Variants in ICA1L observed in about 807,000 individuals in gnomAD.
The protein encoded by ICA1L is islet cell autoantigen 1 like.
Under a neutral mutation model 61.3 loss-of-function variants are expected in ICA1L, and 50 were observed. The observed-to-expected ratio is 0.82, with a 90% CI of 0.65 to 1.03. The LOEUF (loss-of-function observed/expected upper bound fraction) is 1.03, where lower values mean the gene tolerates loss of function less well. ICA1L is among the 50% of genes least tolerant of loss of function. The pLI is 0.00. For synonymous variants in ICA1L, 161 were observed against 191.3 expected (o/e 0.84, Z 1.31); for missense variants, 508 against 556.7 (o/e 0.91, Z 0.88).
chr2:202,790,869 TCC>T (rs1692726752), intron 10 of ICA1L, among the ~76,000 whole-genome samples: 1 of 152,146 alleles, frequency 6.6e-6, no homozygotes, highest in Admixed American at 6.5e-5. Flanking sequence ...TTGTCCCCAC[TCC>T]CAGCTCAAGC....
chr2:202,858,285 C>T (rs1285864399), intron 1 of ICA1L, among the ~76,000 whole-genome samples: 3 of 152,188 alleles, frequency 2.0e-5, no homozygotes, highest in Non-Finnish European at 4.4e-5. Flanking sequence ...GAATACTATG[C>T]AGCCATTAAA....
chr2:202,813,325 T>G (rs1693433649), intron 8 of ICA1L, among the ~76,000 whole-genome samples: 1 of 152,138 alleles, frequency 6.6e-6, no homozygotes, highest in South Asian at 2.1e-4. Flanking sequence ...TTTATCAATG[T>G]TTATCTTAAA....
chr2:202,860,138 G>A (rs1694872187), intron 1 of ICA1L: 1 of 151,804 alleles, frequency 6.6e-6, no homozygotes, highest in South Asian at 2.1e-4. Flanking sequence ...TGTGTGTGGT[G>A]GCACATACCT....
intron 1 of ICA1L, among the ~76,000 whole-genome samples, chr2:202,839,542 C>G (rs1400337447): frequency 1.5e-5 from 2 of 137,146 alleles, no homozygotes; most frequent in Non-Finnish European, 3.1e-5. Context: ...CTCTTCCAGG[C>G]AGCATACAGT....
intron 1 of ICA1L, among the ~76,000 whole-genome samples, chr2:202,830,352 G>A (rs1208313885): frequency 6.6e-6 from 1 of 152,164 alleles, no homozygotes. Flanking sequence ...AGGTTGCAGT[G>A]AGCCAAGATC....
intron 10 of ICA1L, among the ~76,000 whole-genome samples, chr2:202,792,772 C>G (rs1692792897): frequency 6.6e-6 from 1 of 151,994 alleles, no homozygotes; most frequent in Non-Finnish European, 1.5e-5. Flanking sequence ...CCACTGCACT[C>G]CAGCCTGGGC....
intron 1 of ICA1L, among the ~76,000 whole-genome samples, chr2:202,868,109 CAATA>C (rs1240614936): frequency 6.6e-6 from 1 of 151,392 alleles, no homozygotes; most frequent in African/African-American, 2.4e-5. Flanking sequence ...ATTGTGAAAA[CAATA>C]AATATCACTG....
Position 202,856,558 on chromosome 2 carries a change from T to C in ICA1L, c.-8+15061A>G, listed in dbSNP as rs890482812. ...GGGCAAAAGCTGGAAGCATTCCCTTTGAAAACCAGCACAAGATAAGGATGC... is the reference window on the plus strand; with the variant it reads ...GGGCAAAAGCTGGAAGCATTCCCTTCGAAAACCAGCACAAGATAAGGATGC... On this transcript the variant is annotated intron_variant, in intron 1 of 12. Coordinates refer to ENST00000358299, the MANE Select transcript of ICA1L (RefSeq NM_001288622.3). Among the ~76,000 whole-genome samples, 4 of 152,326 alleles carry C rather than the reference T, an allele frequency of 2.6e-5. 1 individual carries two copies. In the South Asian group the frequency reaches 6.2e-4, roughly 24 times the overall value.
Position 202,803,870 on chromosome 2 carries a change from T to TA in ICA1L, c.911-6907dup, listed in dbSNP as rs546380995. On this transcript the variant is annotated intron_variant, in intron 9 of 12. Transcript: ENST00000358299. ...GCCAGAAAGGGTCACTATATAACAATAAAAAATTAATTCACCAAAAAGATA... is the reference window on the plus strand; with the variant it reads ...GCCAGAAAGGGTCACTATATAACAATAAAAAAATTAATTCACCAAAAAGATA... 7.9e-5 allele frequency among the ~76,000 whole-genome samples: 12 copies of TA among 152,152 alleles called. 1 individual carries two copies. In the South Asian group the frequency reaches 2.3e-3, roughly 29 times the overall value.
chr2:202,812,910 G>T (rs1693419940), intron 8 of ICA1L, among the ~76,000 whole-genome samples: 1 of 152,126 alleles, frequency 6.6e-6, no homozygotes, highest in African/African-American at 2.4e-5. Flanking sequence ...CTTATGAAAT[G>T]TGAGAATGGA....
At chr2:202,804,710 A>G (rs1283109258) in intron 9 of ICA1L, among the ~76,000 whole-genome samples, 1 of 152,238 alleles carries the variant, frequency 6.6e-6, no homozygotes, top group Non-Finnish European at 1.5e-5. Context: ...CAGTTTGAGT[A>G]TACATTCTTC....
intron 1 of ICA1L, among the ~76,000 whole-genome samples, chr2:202,835,286 G>T (rs1445374358): frequency 7.0e-6 from 1 of 143,102 alleles, no homozygotes; most frequent in African/African-American, 2.6e-5. Context: ...TGGTGCTGCA[G>T]CCTCCACCTC....
At chr2:202,822,783 C>A (rs1318229447) in intron 3 of ICA1L, among the ~76,000 whole-genome samples, 1 of 152,200 alleles carries the variant, frequency 6.6e-6, no homozygotes, top group Non-Finnish European at 1.5e-5. Flanking sequence ...CTCATGCTGC[C>A]TCCCCACTAC....
At chr2:202,819,653 G>A (rs773054534) in intron 5 of ICA1L, 48 bp downstream of exon 5, 1 of 1,348,478 alleles carries the variant, frequency 7.4e-7, no homozygotes, top group Non-Finnish European at 1.1e-6. Context: ...TTCTGTGGCA[G>A]TTTCATATTT....
chr2:202,775,102 C>T lies in ICA1L; in HGVS notation c.*4431G>A, dbSNP rs1412939594. On this transcript the variant is annotated 3_prime_UTR_variant, in exon 13 of 13. Transcript: ENST00000358299. ...TCTGGATGTGACCCATCTTTACCAACCATTTTTCTTATCTTGTCCCTTAGT... is the reference window on the plus strand; with the variant it reads ...TCTGGATGTGACCCATCTTTACCAATCATTTTTCTTATCTTGTCCCTTAGT... 1 of 152,216 alleles carries T rather than the reference C, an allele frequency of 6.6e-6. No homozygotes were observed. Among genetic ancestry groups the T allele is most frequent in the African/African-American group, 2.4e-5 (1 of 41,456 alleles). 9.4% of individuals were successfully genotyped at this position (152,216 alleles called of 1,614,324 possible).
rs1692322581 is a variant in ICA1L, at chr2:202,779,361, A to C, written c.*172T>G. On this transcript the variant is annotated 3_prime_UTR_variant, in exon 13 of 13. Coordinates refer to ENST00000358299, the MANE Select transcript of ICA1L (RefSeq NM_001288622.3). ...CAGCTGCAAATCCAAGATATGAAAG[A>C]TGTGTACTTATTCAAATGTGGTCTT... The C allele has an allele frequency of 4.2e-6, 2 of 479,844 alleles. No homozygotes were observed. The highest frequency in any genetic ancestry group is 7.3e-6 in the Non-Finnish European group (2 of 273,462). The allele number at this position is 479,844 out of a possible 1,614,324, so 29.7% of individuals were successfully genotyped here. A position where few individuals can be genotyped will look rare whatever the true frequency, so the allele number is the denominator to read the frequency against.
intron 1 of ICA1L, among the ~76,000 whole-genome samples, chr2:202,832,338 A>G (rs1441929703): frequency 6.7e-6 from 1 of 149,430 alleles, no homozygotes; most frequent in African/African-American, 2.4e-5. Flanking sequence ...TTTCCCAGAT[A>G]TGGGAGGCTG....
chr2:202,844,375 C>CA (rs975206236), intron 1 of ICA1L: 20 of 151,294 alleles, frequency 1.3e-4, no homozygotes, highest in Non-Finnish European at 2.1e-4. Flanking sequence ...GACCCCATCT[C>CA]AAAAAATCTA....
At chr2:202,801,463 A>G (rs1416300820) in intron 9 of ICA1L, among the ~76,000 whole-genome samples, 1 of 152,236 alleles carries the variant, frequency 6.6e-6, no homozygotes, top group Non-Finnish European at 1.5e-5. Flanking sequence ...CTCAGAGCAT[A>G]AATGTTTGAG....
Sources: gnomAD v4.1 joint callset for allele counts (sites outside exome capture counted in the v4.1 genomes callset) on GRCh38, gnomAD v4.1.1 for gene constraint, MANE v1.5 for transcripts, NCBI Gene and HGNC (gene_info 2026-07-23, HGNC 2026-07-21) for gene names.